SLC25A21: variants seen among roughly 807,000 people sequenced by gnomAD.
SLC25A21 encodes solute carrier family 25 member 21, also known as mitochondrial 2-oxodicarboxylate carrier.
Under a neutral mutation model 43.8 loss-of-function variants are expected in SLC25A21, and 47 were observed. The ratio of observed to expected loss-of-function variants is 1.07; its 90% CI spans 0.85 to 1.37. The LOEUF (loss-of-function observed/expected upper bound fraction) is 1.37. Ranked by LOEUF, SLC25A21 falls within the 40% of genes most tolerant of loss-of-function variation. The probability of loss-of-function intolerance (pLI) is 0.00; values close to 1 mark genes in which losing one functional copy is unlikely to be tolerated. For synonymous variants in SLC25A21, 131 were observed against 121.3 expected, an observed-to-expected ratio of 1.08 and a Z score of -0.52; for missense variants, 352 against 350.2, an observed-to-expected ratio of 1.00 and a Z score of -0.04.
intron 1 of SLC25A21, among the ~76,000 whole-genome samples, chr14:36,912,004 C>T (rs1891698248): frequency 6.6e-6 from 1 of 152,108 alleles, no homozygotes; most frequent in Non-Finnish European, 1.5e-5. Flanking sequence ...ATTATAACTA[C>T]TTATTTTTTA....
chr14:36,760,598 G>T (rs1349636258), intron 3 of SLC25A21, among the ~76,000 whole-genome samples: 1 of 152,158 alleles, frequency 6.6e-6, no homozygotes, highest in Non-Finnish European at 1.5e-5. Context: ...CCCTGAGTTT[G>T]TCTACACACA....
chr14:36,831,465 G>A (rs1199007710), intron 2 of SLC25A21, among the ~76,000 whole-genome samples: 6 of 152,078 alleles, frequency 3.9e-5, no homozygotes, highest in Admixed American at 2.0e-4. Context: ...GCTCTTTAAG[G>A]CTAAAATGCT....
chr14:36,730,189 T>C (rs1433974269), intron 4 of SLC25A21, among the ~76,000 whole-genome samples: 1 of 152,244 alleles, frequency 6.6e-6, no homozygotes, highest in African/African-American at 2.4e-5. Flanking sequence ...CTGATGGTGA[T>C]GAAGATCGTG....
chr14:36,914,691 T>C (rs1343928786), intron 1 of SLC25A21, among the ~76,000 whole-genome samples: 1 of 152,148 alleles, frequency 6.6e-6, no homozygotes, highest in Non-Finnish European at 1.5e-5. Flanking sequence ...GTGCAAACAT[T>C]TGCAAATAGG....
In SLC25A21 at chr14:37,051,646, C is replaced by T. The variant is rs150523410; in HGVS notation, c.70+120635G>A. The stretch of plus-strand genomic sequence containing the variant: ...AAACCAACAGTGGCTACTTCAATAC[C>T]GAGGGATGAGCAAAGCATTTCCCAC... On this transcript the variant is annotated intron_variant, in intron 1 of 9. Coordinates refer to ENST00000331299, the MANE Select transcript of SLC25A21 (RefSeq NM_030631.4). 1.2e-4 allele frequency among the ~76,000 whole-genome samples: 19 copies of T among 152,160 alleles called. No homozygotes were observed. In the East Asian group the frequency reaches 3.3e-3, roughly 26 times the overall value.
At chr14:36,994,230 G>T (rs1671621146) in intron 1 of SLC25A21, among the ~76,000 whole-genome samples, 2 of 152,100 alleles carry the variant, frequency 1.3e-5, no homozygotes, top group South Asian at 4.2e-4. Context: ...GAGAAGTCTA[G>T]AAAAAGAAAA....
chr14:37,038,837 C>G (rs1389280256), intron 1 of SLC25A21, among the ~76,000 whole-genome samples: 1 of 152,148 alleles, frequency 6.6e-6, no homozygotes, highest in Non-Finnish European at 1.5e-5. Context: ...TTTGCTGAAG[C>G]CTGACGTCCT....
At position 37,172,591 on chromosome 14, in the gene SLC25A21, T is replaced by C. The variant is rs1489393925; in HGVS notation, c.-241A>G. ...GCAGAGGCGCCCTCGGCTCCGAAAATGTCTCTGGAAAGAAGACCCGCGGAT... is the reference window on the plus strand; with the variant it reads ...GCAGAGGCGCCCTCGGCTCCGAAAACGTCTCTGGAAAGAAGACCCGCGGAT... On this transcript the variant is annotated 5_prime_UTR_variant, in exon 1 of 10. Transcript: ENST00000331299. 1 of 692,126 alleles carries C rather than the reference T, an allele frequency of 1.4e-6. No individual in the cohort carries two copies. The highest frequency in any genetic ancestry group is 2.7e-5 in the East Asian group (1 of 36,452). 42.9% of individuals were successfully genotyped at this position (692,126 alleles called of 1,614,324 possible). A position where few individuals can be genotyped will look rare whatever the true frequency, so the allele number is the denominator to read the frequency against.
chr14:36,888,643 T>C (rs1420866476), intron 1 of SLC25A21, among the ~76,000 whole-genome samples: 2 of 152,160 alleles, frequency 1.3e-5, no homozygotes, highest in African/African-American at 2.4e-5. Context: ...ACGGTGTATC[T>C]TACAAGAAGA....
rs1963417766 is a variant in SLC25A21 at position 37,133,107 on chromosome 14, CT to C, written c.70+39173del. On this transcript the variant is annotated intron_variant, in intron 1 of 9. Transcript: ENST00000331299. ...TGTTTTAAAATCCCCTCAGGTGGGC[CT>C]GATACACATACCCCACCTTACTGTG... Among the ~76,000 whole-genome samples, 3 of 151,438 alleles carry C rather than the reference CT, an allele frequency of 2.0e-5. No homozygotes were observed. In the South Asian group the frequency reaches 6.3e-4, roughly 32 times the overall value.
chr14:36,995,104 TATG>T (rs754904276), intron 1 of SLC25A21, among the ~76,000 whole-genome samples: 20 of 152,208 alleles, frequency 1.3e-4, no homozygotes, highest in Non-Finnish European at 2.6e-4. Flanking sequence ...AGATGATTTG[TATG>T]ATGTCTCGTT....
chr14:37,152,460 C>A (rs992326742), intron 1 of SLC25A21, among the ~76,000 whole-genome samples: 11 of 151,320 alleles, frequency 7.3e-5, no homozygotes, highest in African/African-American at 2.4e-4. Flanking sequence ...CAGCTCACTG[C>A]AACCTCTGCT....
chr14:36,700,984 A>T (rs1883256555), intron 7 of SLC25A21, among the ~76,000 whole-genome samples: 1 of 152,208 alleles, frequency 6.6e-6, no homozygotes, highest in Non-Finnish European at 1.5e-5. Context: ...CTTAAGTGAG[A>T]GTGAACTGCC....
chr14:36,844,291 C>T (rs1322890669), intron 2 of SLC25A21, among the ~76,000 whole-genome samples: 1 of 152,178 alleles, frequency 6.6e-6, no homozygotes, highest in Admixed American at 6.5e-5. Flanking sequence ...CCTTCAATTA[C>T]AGAAATAAGA....
chr14:37,149,093 T>C (rs1963715317), intron 1 of SLC25A21, among the ~76,000 whole-genome samples: 1 of 152,092 alleles, frequency 6.6e-6, no homozygotes, highest in African/African-American at 2.4e-5. Context: ...TTTTTGACTA[T>C]GGAAGATATG....
rs946408972 is a variant in SLC25A21, at chr14:36,801,562, C to T, written c.203+12356G>A. Among the ~76,000 whole-genome samples the T allele has an allele frequency of 5.3e-5, 8 of 152,282 alleles. No individual in the cohort carries two copies. In the East Asian group the frequency reaches 5.8e-4, roughly 11 times the overall value. ...TCTTGTAGCCTCTCATCAGTTCTGC[C>T]GTAGCTCTACAATGCCTTCAAAAGT... On this transcript the variant is annotated intron_variant, in intron 3 of 9. Transcript: ENST00000331299.
intron 1 of SLC25A21, among the ~76,000 whole-genome samples, chr14:36,897,512 G>A (rs1016161228): frequency 7.2e-5 from 11 of 151,774 alleles, no homozygotes; most frequent in African/African-American, 2.2e-4. Context: ...TAGTTTGATC[G>A]TCTGAAGCCT....
At chr14:36,902,075 G>T (rs1486628926) in intron 1 of SLC25A21, among the ~76,000 whole-genome samples, 3 of 152,176 alleles carry the variant, frequency 2.0e-5, no homozygotes, top group Non-Finnish European at 4.4e-5. Flanking sequence ...TCTGTACCTT[G>T]TGTAAGTTAC....
intron 1 of SLC25A21, among the ~76,000 whole-genome samples, chr14:36,944,368 G>T (rs552041895): frequency 1.5e-4 from 23 of 152,280 alleles, no homozygotes; most frequent in African/African-American, 5.5e-4. Context: ...TTCAGCTTGC[G>T]GTAGGAGTTG....
Sources: gnomAD v4.1 joint callset for allele counts (sites outside exome capture counted in the v4.1 genomes callset) on GRCh38, gnomAD v4.1.1 for gene constraint, MANE v1.5 for transcripts, NCBI Gene and HGNC (gene_info 2026-07-23, HGNC 2026-07-21) for gene names.